MS4A5: variants seen among roughly 807,000 people sequenced by gnomAD.
MS4A5 encodes the protein membrane-spanning 4-domains subfamily A member 5.
In MS4A5, 15 loss-of-function variants were observed where a neutral mutation model predicts 18.2. The observed-to-expected ratio is 0.83, with a 90% CI of 0.55 to 1.27. The LOEUF is 1.27. Among genes scored for constraint, MS4A5 ranks in the 50% most tolerant of loss-of-function variants. MS4A5 has a pLI of 0.00. For missense variants in MS4A5, 232 were observed against 225.7 expected (o/e 1.03, Z -0.18); for synonymous variants, 89 against 78.7 (o/e 1.13, Z -0.69).
At chr11:60,445,189 A>G (rs1218559212) in intron 4 of MS4A5, among the ~76,000 whole-genome samples, 1 of 152,214 alleles carries the variant, frequency 6.6e-6, no homozygotes, top group Non-Finnish European at 1.5e-5. Flanking sequence ...GGGAAGGGAC[A>G]CAAGAGAACC....
In MS4A5 at chr11:60,436,137, A is replaced by C. The variant is rs1221566068; in HGVS notation, c.492+2220A>C. Among the ~76,000 whole-genome samples the C allele has an allele frequency of 3.3e-5, 5 of 152,046 alleles. No individual in the cohort carries two copies. In the East Asian group the frequency reaches 7.8e-4, roughly 24 times the overall value. On this transcript the variant is annotated intron_variant, in intron 4 of 4. Transcript: ENST00000300190. ...TGACCCCTGACCCCCGAGCAGCCTA[A>C]CTGGGAGGCACCCCCCAGCAGGGGC...
chr11:60,429,815 GAA>G lies in MS4A5; in HGVS notation c.144_145del (p.Lys48AsnfsTer49). On this transcript the variant is annotated frameshift_variant, in exon 1 of 5. Transcript: ENST00000300190. LOFTEE classifies it high-confidence loss of function. ...PLQKLFARKM[K>X]ILGTIQILFG... is the part of the protein sequence containing the mutation. ...TGCAAAAATTATTTGCTAGAAAAAT[GAA>G]AATCTTAGGGGTAAGTAAGACTTGC... 1.2e-6 allele frequency: 2 copies of G among 1,613,644 alleles called. No homozygotes were observed. Among genetic ancestry groups the G allele is most frequent in the African/African-American group, 2.7e-5 (2 of 75,020 alleles).
intron 4 of MS4A5, among the ~76,000 whole-genome samples, chr11:60,446,464 C>T (rs1171186485): frequency 1.3e-5 from 2 of 152,074 alleles, no homozygotes; most frequent in African/African-American, 2.4e-5. Flanking sequence ...GGGGCCGGGC[C>T]ATGGTGGCTC....
chr11:60,443,899 A>G (rs907573618), intron 4 of MS4A5, among the ~76,000 whole-genome samples: 2 of 152,188 alleles, frequency 1.3e-5, no homozygotes, highest in Non-Finnish European at 2.9e-5. Context: ...AAAACTATGC[A>G]AAACCACCCG....
Position 60,432,403 on chromosome 11 carries a change from C to T in MS4A5, c.283-8C>T. ...GGTCATCATTAACATATTTATTCCT[C>T]TTAACAGTTCATTAATTCTGGAGCC... On this transcript the variant is annotated splice_polypyrimidine_tract_variant and splice_region_variant and intron_variant, in intron 2 of 4. Coordinates refer to ENST00000300190, the MANE Select transcript of MS4A5 (RefSeq NM_023945.3). 1 of 1,565,752 alleles carries T rather than the reference C, an allele frequency of 6.4e-7. No individual in the cohort carries two copies. The highest frequency in any genetic ancestry group is 1.7e-4 in the Middle Eastern group (1 of 5,974).
intron 4 of MS4A5, among the ~76,000 whole-genome samples, chr11:60,441,456 T>TAAAAAA (rs201729443): frequency 2.2e-4 from 23 of 105,788 alleles, no homozygotes; most frequent in Non-Finnish European, 2.8e-4. Context: ...AAAAGGCCAT[T>TAAAAAA]AAAAAAAAAA....
intron 4 of MS4A5, among the ~76,000 whole-genome samples, chr11:60,446,584 C>T (rs970228095): frequency 3.9e-5 from 6 of 152,030 alleles, no homozygotes; most frequent in Admixed American, 3.9e-4. Context: ...AACACAAAAA[C>T]TAGCCGGGTT....
Position 60,431,994 on chromosome 11 carries a change from C to G in MS4A5, c.283-417C>G, listed in dbSNP as rs148455704. Among the ~76,000 whole-genome samples the G allele has an allele frequency of 3.5e-3, 492 of 139,796 alleles. 4 individuals carry two copies. Among genetic ancestry groups the G allele is most frequent in the African/African-American group, 0.012 (467 of 38,536 alleles). The allele number at this position is 139,796 out of a possible 152,430, so 91.7% of individuals were successfully genotyped here. ...TCTTGGAGATTTTAAGAACTACCAG[C>G]ACATTCACTGCAACCCCACCTTATG... is the stretch of plus-strand genomic sequence containing the variant. On this transcript the variant is annotated intron_variant, in intron 2 of 4. Coordinates refer to ENST00000300190, the MANE Select transcript of MS4A5 (RefSeq NM_023945.3).
At chr11:60,438,509 A>G (rs981558033) in intron 4 of MS4A5, among the ~76,000 whole-genome samples, 7 of 152,270 alleles carry the variant, frequency 4.6e-5, no homozygotes, top group African/African-American at 1.4e-4. Flanking sequence ...AGGATCAACA[A>G]AATTGATAGA....
chr11:60,430,258 G>A (rs1460466278), intron 1 of MS4A5, among the ~76,000 whole-genome samples: 3 of 148,550 alleles, frequency 2.0e-5, no homozygotes, highest in African/African-American at 5.0e-5. Flanking sequence ...GAGAGGGAGA[G>A]AAAAAAAAAA....
intron 4 of MS4A5, among the ~76,000 whole-genome samples, chr11:60,437,650 T>TC (rs1942818851): frequency 6.8e-6 from 1 of 148,088 alleles, no homozygotes; most frequent in African/African-American, 2.5e-5. Context: ...AGACTTTAAA[T>TC]CAACAAAGAT....
intron 2 of MS4A5, 129 bp downstream of exon 2, chr11:60,431,053 A>C: frequency 1.0e-6 from 1 of 958,946 alleles, no homozygotes; most frequent in Non-Finnish European, 1.5e-6. Flanking sequence ...AACCTTGTTG[A>C]AATTATTTCC....
chr11:60,433,030 A>C (rs1014251748), intron 3 of MS4A5, among the ~76,000 whole-genome samples: 3 of 152,224 alleles, frequency 2.0e-5, no homozygotes, highest in Non-Finnish European at 4.4e-5. Context: ...GTATGAAGAC[A>C]CTGAGGCTTA....
intron 4 of MS4A5, among the ~76,000 whole-genome samples, chr11:60,438,304 G>A (rs1164140606): frequency 1.3e-5 from 2 of 152,130 alleles, no homozygotes; most frequent in Non-Finnish European, 2.9e-5. Context: ...AGCACTAAAT[G>A]CCCACAAGAG....
At chr11:60,446,462 G>A (rs2086138674) in intron 4 of MS4A5, among the ~76,000 whole-genome samples, 1 of 152,094 alleles carries the variant, frequency 6.6e-6, no homozygotes, top group South Asian at 2.1e-4. Flanking sequence ...GTGGGGCCGG[G>A]CCATGGTGGC....
At chr11:60,435,669 C>T (rs535916942) in intron 4 of MS4A5, among the ~76,000 whole-genome samples, 1,563 of 152,320 alleles carry the variant, frequency 0.01, 17 homozygotes, top group Non-Finnish European at 0.018. Context: ...AAAGGGGTGA[C>T]GGACGGCACC....
chr11:60,432,100 G>A (rs564361143), intron 2 of MS4A5, among the ~76,000 whole-genome samples: 1 of 152,076 alleles, frequency 6.6e-6, no homozygotes, highest in Non-Finnish European at 1.5e-5. Context: ...AAATCCCTTT[G>A]TCATGAGATC....
chr11:60,437,069 A>T (rs2135174752), intron 4 of MS4A5, among the ~76,000 whole-genome samples: 2 of 137,990 alleles, frequency 1.4e-5, no homozygotes, highest in East Asian at 4.1e-4. Flanking sequence ...CTAACAGTGG[A>T]TCTCTCGGCA....
At chr11:60,444,190 A>G (rs1168842583) in intron 4 of MS4A5, among the ~76,000 whole-genome samples, 1 of 152,212 alleles carries the variant, frequency 6.6e-6, no homozygotes, top group Non-Finnish European at 1.5e-5. Context: ...TATCTTGTAA[A>G]CTTTGTGAAG....
Sources: gnomAD v4.1 joint callset for allele counts (sites outside exome capture counted in the v4.1 genomes callset) on GRCh38, gnomAD v4.1.1 for gene constraint, MANE v1.5 for transcripts, NCBI Gene and HGNC (gene_info 2026-07-23, HGNC 2026-07-21) for gene names.